Variants in CCDC181 observed in about 807,000 individuals in gnomAD.
CCDC181 encodes coiled-coil domain containing 181, also known as coiled-coil domain-containing protein 181.
CCDC181 carries 35 observed loss-of-function variants against 58.7 expected under a neutral mutation model. That is an observed-to-expected ratio of 0.60 (90% confidence interval 0.46 to 0.79). The LOEUF (loss-of-function observed/expected upper bound fraction) is 0.79. Ranked by LOEUF, CCDC181 falls within the 30% of genes least tolerant of loss-of-function variation. The pLI is 0.00. For synonymous variants in CCDC181, 183 were observed against 197.5 expected (o/e 0.93, Z 0.62); for missense variants, 517 against 583.9 (o/e 0.89, Z 1.18).
upstream of CCDC181, among the ~76,000 whole-genome samples, chr1:169,428,694 C>T (rs1656815008): frequency 2.6e-5 from 4 of 152,122 alleles, no homozygotes; most frequent in South Asian, 8.3e-4. Flanking sequence ...CTCGCTCTGT[C>T]ACCCAGGCTG....
chr1:169,444,967 C>A (rs1571514368), intron 2 of CCDC181, among the ~76,000 whole-genome samples: 1 of 152,124 alleles, frequency 6.6e-6, no homozygotes, highest in African/African-American at 2.4e-5. Context: ...GAATAAAATA[C>A]AAACTCCTTA....
intron 4 of CCDC181, among the ~76,000 whole-genome samples, chr1:169,413,042 A>G: frequency 6.6e-6 from 1 of 152,248 alleles, no homozygotes; most frequent in South Asian, 2.1e-4. Context: ...ATTAAACTAA[A>G]GAGCTTCTGC....
chr1:169,424,693 G>A, intron 2 of CCDC181, 118 bp downstream of exon 2: 1 of 594,456 alleles, frequency 1.7e-6, no homozygotes, highest in Non-Finnish European at 3.0e-6. Flanking sequence ...ATAGTAATTT[G>A]CCCAATGTAG....
At chr1:169,420,449 T>A (rs1381464613) in intron 3 of CCDC181, among the ~76,000 whole-genome samples, 1 of 151,896 alleles carries the variant, frequency 6.6e-6, no homozygotes, top group Non-Finnish European at 1.5e-5. Context: ...TGCCAGATAT[T>A]TCCCTGATAA....
chr1:169,418,681 TTAAG>T (rs1297854339), intron 4 of CCDC181: 8 of 334,470 alleles, frequency 2.4e-5, no homozygotes, highest in Non-Finnish European at 4.3e-5. Context: ...ACGTCTAGTC[TTAAG>T]TGAGACCAGT....
intron 4 of CCDC181, among the ~76,000 whole-genome samples, chr1:169,403,901 C>T (rs959864176): frequency 2.6e-5 from 4 of 151,810 alleles, no homozygotes; most frequent in South Asian, 2.1e-4. Flanking sequence ...TCAGCAAAAT[C>T]GATAGACTGC....
intron 4 of CCDC181, among the ~76,000 whole-genome samples, chr1:169,408,205 C>T (rs768343528): frequency 2.0e-5 from 3 of 152,168 alleles, no homozygotes; most frequent in Non-Finnish European, 4.4e-5. Flanking sequence ...AGTCTGAAGT[C>T]GACCTGGGAC....
intron 4 of CCDC181, 144 bp downstream of exon 4, chr1:169,418,869 A>G: frequency 1.6e-6 from 1 of 612,260 alleles, no homozygotes; most frequent in Non-Finnish European, 2.9e-6. Flanking sequence ...AGTTATCTGC[A>G]TGTTGCATCT....
At chr1:169,440,616 C>T (rs1233874703) in intron 2 of CCDC181, among the ~76,000 whole-genome samples, 1 of 152,036 alleles carries the variant, frequency 6.6e-6, no homozygotes, top group Non-Finnish European at 1.5e-5. Context: ...GAATTGCTGG[C>T]TCAAAACATG....
intron 4 of CCDC181, among the ~76,000 whole-genome samples, chr1:169,412,371 G>A (rs981585558): frequency 2.6e-5 from 4 of 152,060 alleles, no homozygotes; most frequent in African/African-American, 9.7e-5. Flanking sequence ...AAGGAAATAA[G>A]AGATGACACA....
rs199753117 is a variant in CCDC181, at chr1:169,426,558, TA to T, written c.-24+729del. On this transcript the variant is annotated intron_variant, in intron 1 of 5. Coordinates refer to ENST00000367806, the MANE Select transcript of CCDC181 (RefSeq NM_001300969.2). ...ACTGCCGATCTTTCAGTAGGAGTCTTAAACCAAGTCCACATGTATACATAAT... is the reference window on the plus strand; with the variant it reads ...ACTGCCGATCTTTCAGTAGGAGTCTTAACCAAGTCCACATGTATACATAAT... Among the ~76,000 whole-genome samples the T allele has an allele frequency of 5.9e-5, 9 of 152,188 alleles. No individual in the cohort carries two copies. The East Asian group carries it at 1.7e-3, about 29-fold the overall frequency.
chr1:169,454,879 A>G (rs2101761121), intron 2 of CCDC181, among the ~76,000 whole-genome samples: 1 of 152,080 alleles, frequency 6.6e-6, no homozygotes, highest in South Asian at 2.1e-4. Flanking sequence ...GTTATTCTTA[A>G]CCAATATGTT....
At chr1:169,411,716 G>A (rs941517770) in intron 4 of CCDC181, among the ~76,000 whole-genome samples, 1 of 152,154 alleles carries the variant, frequency 6.6e-6, no homozygotes, top group South Asian at 2.1e-4. Flanking sequence ...ATGCAAGGCT[G>A]GTTCAACATA....
rs567532424 is a variant in CCDC181 at position 169,408,103 on chromosome 1, G to C, written c.1216-10712C>G. On this transcript the variant is annotated intron_variant, in intron 4 of 5. Transcript: ENST00000367806. ...TCCCCTGGAAAGGGGGCTAAAGCCA[G>C]GGAGCCAAGTGATCTAGCTCAGCAG... is the stretch of plus-strand genomic sequence containing the variant. Among the ~76,000 whole-genome samples the C allele has an allele frequency of 7.7e-4, 118 of 152,322 alleles. No homozygotes were observed. The Middle Eastern group carries it at 0.014, about 18-fold the overall frequency.
intron 2 of CCDC181, among the ~76,000 whole-genome samples, chr1:169,432,500 C>T (rs550333273): frequency 2.7e-4 from 41 of 151,996 alleles, no homozygotes; most frequent in Non-Finnish European, 5.3e-4. Context: ...CAATGTACTC[C>T]AAGTAGTATG....
chr1:169,396,220 A>G (rs1382162395), intron 5 of CCDC181: 1 of 152,196 alleles, frequency 6.6e-6, no homozygotes, highest in East Asian at 1.9e-4. Flanking sequence ...TCTACAATGC[A>G]CATTTACTGT....
At chr1:169,424,525 CTATT>C (rs963453976) in intron 2 of CCDC181, among the ~76,000 whole-genome samples, 12 of 151,592 alleles carry the variant, frequency 7.9e-5, no homozygotes, top group Admixed American at 7.2e-4. Context: ...CATGATTTTA[CTATT>C]TATTTATATT....
intron 2 of CCDC181, among the ~76,000 whole-genome samples, chr1:169,455,192 T>G (rs1657651764): frequency 6.6e-6 from 1 of 151,910 alleles, no homozygotes; most frequent in Non-Finnish European, 1.5e-5. Flanking sequence ...ATATTTGGGT[T>G]TTTTCAAGGC....
At chr1:169,431,951 C>T (rs1656930980), upstream of CCDC181, among the ~76,000 whole-genome samples, 1 of 152,058 alleles carries the variant, frequency 6.6e-6, no homozygotes, top group African/African-American at 2.4e-5. Context: ...GGAAGACAAA[C>T]ATTAAAGACT....
Sources: allele counts gnomAD v4.1 joint callset (sites outside exome capture counted in the v4.1 genomes callset), GRCh38; gene constraint gnomAD v4.1.1; transcripts MANE v1.5; gene names NCBI Gene and HGNC (gene_info 2026-07-23, HGNC 2026-07-21).